VCAN: variants seen among roughly 807,000 people sequenced by gnomAD.
VCAN encodes versican, also known as versican core protein.
Under a neutral mutation model 245.5 loss-of-function variants are expected in VCAN, and 44 were observed. That is an observed-to-expected ratio of 0.18 (90% CI 0.14 to 0.23). The LOEUF (loss-of-function observed/expected upper bound fraction) is 0.23, where lower values mean the gene tolerates loss of function less well. VCAN is among the 10% of genes least tolerant of loss of function. The pLI, the probability that VCAN is intolerant of heterozygous loss-of-function variation, is 1.00. For missense variants in VCAN, 3,793 were observed against 4,057.9 expected, an observed-to-expected ratio of 0.93 and a Z score of 1.77; for synonymous variants, 1,413 against 1,437.0, an observed-to-expected ratio of 0.98 and a Z score of 0.38.
intron 12 of VCAN, among the ~76,000 whole-genome samples, chr5:83,571,969 C>T (rs560344905): frequency 2.0e-5 from 3 of 152,020 alleles, no homozygotes; most frequent in Non-Finnish European, 4.4e-5. Context: ...ACAGATAAGA[C>T]AAGACAGGCT....
At chr5:83,576,865 T>C (rs1303314576) in intron 13 of VCAN, among the ~76,000 whole-genome samples, 1 of 152,162 alleles carries the variant, frequency 6.6e-6, no homozygotes, top group Non-Finnish European at 1.5e-5. Context: ...AAGCTCTGCT[T>C]TTGTAAAGTT....
At chr5:83,472,152 A>G (rs919704695) in intron 1 of VCAN, 129 bp downstream of exon 1, 4 of 168,180 alleles carry the variant, frequency 2.4e-5, no homozygotes, top group African/African-American at 9.5e-5. Context: ...TGTAAGGCGA[A>G]GTTAAGAAAA....
intron 10 of VCAN, 46 bp downstream of exon 10, chr5:83,548,130 T>C: frequency 6.6e-7 from 1 of 1,522,694 alleles, no homozygotes; most frequent in Non-Finnish European, 9.1e-7. Flanking sequence ...ATTGATTTTT[T>C]TTTAGCAATT....
chr5:83,530,991 C>T (rs1561250681), intron 7 of VCAN, among the ~76,000 whole-genome samples: 1 of 151,990 alleles, frequency 6.6e-6, no homozygotes, highest in Non-Finnish European at 1.5e-5. Context: ...CATCCATTGA[C>T]AAGAAGATGG....
chr5:83,568,178 T>A (rs1748156767), intron 12 of VCAN, among the ~76,000 whole-genome samples: 1 of 152,152 alleles, frequency 6.6e-6, no homozygotes, highest in Non-Finnish European at 1.5e-5. Context: ...TAAATAAGGC[T>A]GTAAAGAATT....
At chr5:83,542,408 A>T in intron 8 of VCAN, 140 bp downstream of exon 8, 8 of 922,520 alleles carry the variant, frequency 8.7e-6, no homozygotes, top group Non-Finnish European at 1.2e-5. Context: ...AGGCCAGGCC[A>T]CAGTATTGAG....
rs1747014755 is a variant in VCAN at position 83,541,936 on chromosome 5, C to T, written c.8933C>T (p.Thr2978Ile). The T allele has an allele frequency of 1.2e-6, 2 of 1,614,000 alleles. No homozygotes were observed. The highest frequency in any genetic ancestry group is 2.2e-5 in the East Asian group (1 of 44,858). ...GGTGCTACACAGTGGCCACACTCTA[C>T]TTCTGCTTCTGCCACCTATGGGGTC... ...LEGATQWPHS[T>I]SASATYGVEA... Residue 2978 changes from threonine (T) to isoleucine (I), a missense_variant, in exon 8 of 15, where the codon ACT (threonine) becomes ATT (isoleucine). Physicochemically the swap from Thr to Ile is moderately conservative, Grantham distance 89. Transcript: ENST00000265077.
rs1746020406 is a variant in VCAN at position 83,520,072 on chromosome 5, C to A, written c.1766C>A (p.Thr589Asn). ...ACGGTGTCAAAGACTTCAGAAGACACCATCCACACTCATTTAGAAGACTTG... is the reference window on the plus strand; with the variant it reads ...ACGGTGTCAAAGACTTCAGAAGACAACATCCACACTCATTTAGAAGACTTG... Reference protein sequence around the residue: ...VITVSKTSEDTIHTHLEDLES... With the variant: ...VITVSKTSEDNIHTHLEDLES... The change falls in exon 7 of 15, where the codon ACC (threonine) becomes AAC (asparagine). Residue 589 changes from threonine to asparagine, a missense_variant. Around this residue, in one of 5 missense-constraint regions of VCAN, gnomAD observed 3,182 missense variants for 3,250.3 expected, o/e 0.98. Transcript: ENST00000265077. 2 of 1,614,062 alleles carry A rather than the reference C, an allele frequency of 1.2e-6. No individual in the cohort carries two copies. Among genetic ancestry groups the A allele is most frequent in the Non-Finnish European group, 1.7e-6 (2 of 1,179,966 alleles).
At chr5:83,507,924 T>G (rs1430349804) in intron 5 of VCAN, among the ~76,000 whole-genome samples, 2 of 152,202 alleles carry the variant, frequency 1.3e-5, no homozygotes, top group African/African-American at 4.8e-5. Context: ...AAACTGCATG[T>G]TTTTAATGAG....
chr5:83,561,747 A>T (rs1747874486), intron 12 of VCAN, among the ~76,000 whole-genome samples: 1 of 152,182 alleles, frequency 6.6e-6, no homozygotes, highest in South Asian at 2.1e-4. Flanking sequence ...AGACACTTAA[A>T]AGGGGCAGAA....
chr5:83,517,421 T>A (rs1042668075), intron 6 of VCAN, among the ~76,000 whole-genome samples: 12 of 152,192 alleles, frequency 7.9e-5, no homozygotes, highest in Non-Finnish European at 8.8e-5. Flanking sequence ...ATAATATGAT[T>A]AAATTTTCTC....
At chr5:83,553,809 C>T (rs1747562278) in intron 11 of VCAN, among the ~76,000 whole-genome samples, 1 of 152,140 alleles carries the variant, frequency 6.6e-6, no homozygotes, top group Non-Finnish European at 1.5e-5. Context: ...TTTAAATATA[C>T]AAAAACAGCT....
At chr5:83,477,630 A>G (rs1744440153) in intron 1 of VCAN, among the ~76,000 whole-genome samples, 1 of 152,238 alleles carries the variant, frequency 6.6e-6, no homozygotes, top group African/African-American at 2.4e-5. Context: ...ATTCTAGGAA[A>G]TACTGATAGG....
chr5:83,490,109 A>G lies in VCAN; in HGVS notation c.82A>G (p.Lys28Glu). 1 of 1,614,040 alleles carries G rather than the reference A, an allele frequency of 6.2e-7. No homozygotes were observed. The highest frequency in any genetic ancestry group is 8.5e-7 in the Non-Finnish European group (1 of 1,180,018). Reference protein sequence around the residue: ...THALHKVKVGKSPPVRGSLSG... With the variant: ...THALHKVKVGESPPVRGSLSG... Reference sequence around the variant, plus strand: ...TCTCTTTCCTCTAGTCAAAGTGGGAAAAAGCCCACCGGTGAGGGGCTCCCT... The same window carrying G: ...TCTCTTTCCTCTAGTCAAAGTGGGAGAAAGCCCACCGGTGAGGGGCTCCCT... Residue 28 changes from lysine (K) to glutamate (E), a missense_variant, in exon 3 of 15, where the codon AAA (lysine) becomes GAA (glutamate). Around this residue, in one of 5 missense-constraint regions of VCAN, gnomAD observed 179 missense variants for 169.7 expected, o/e 1.05. Coordinates refer to ENST00000265077, the MANE Select transcript of VCAN (RefSeq NM_004385.5).
rs1431573222 is a variant in VCAN at position 83,553,389 on chromosome 5, G to C, written c.9519G>C (p.Trp3173Cys). 6.2e-7 allele frequency: 1 copy of C among 1,613,854 alleles called. No individual in the cohort carries two copies. The highest frequency in any genetic ancestry group is 8.5e-7 in the Non-Finnish European group (1 of 1,179,962). Residue 3173 changes from tryptophan (W) to cysteine (C), a missense_variant, in exon 11 of 15, where the codon TGG becomes TGC. Physicochemically the swap from Trp to Cys is radical, Grantham distance 215. Coordinates refer to ENST00000265077, the MANE Select transcript of VCAN (RefSeq NM_004385.5). ...ATACCGAGACATGTGACTATGGCTG[G>C]CACAAATTCCAAGGGCAGTGCTACA... Reference protein sequence around the residue: ...EQDTETCDYGWHKFQGQCYKY... With the variant: ...EQDTETCDYGCHKFQGQCYKY...
intron 1 of VCAN, among the ~76,000 whole-genome samples, chr5:83,479,004 A>C (rs2112335461): frequency 6.6e-6 from 1 of 152,322 alleles, no homozygotes; most frequent in Admixed American, 6.5e-5. Flanking sequence ...AAGGGGCGAC[A>C]ATGTGAAAAA....
At chr5:83,501,431 T>C (rs1015735604) in intron 5 of VCAN, among the ~76,000 whole-genome samples, 30 of 152,196 alleles carry the variant, frequency 2.0e-4, no homozygotes, top group African/African-American at 7.0e-4. Flanking sequence ...TTTATAAGTT[T>C]TAACTCTTTT....
chr5:83,489,649 A>G (rs1222804680), intron 2 of VCAN, among the ~76,000 whole-genome samples: 1 of 152,184 alleles, frequency 6.6e-6, no homozygotes, highest in Admixed American at 6.5e-5. Flanking sequence ...CCTCTAAGGT[A>G]ATGTGGCAGT....
intron 3 of VCAN, among the ~76,000 whole-genome samples, chr5:83,490,765 G>T (rs1744958810): frequency 6.6e-6 from 1 of 152,142 alleles, no homozygotes; most frequent in Non-Finnish European, 1.5e-5. Context: ...CTTCAGTGTT[G>T]AGTCTTATCA....
Sources: allele counts gnomAD v4.1 joint callset (sites outside exome capture counted in the v4.1 genomes callset), GRCh38; gene constraint gnomAD v4.1.1; regional missense constraint gnomAD v4.1.1; transcripts MANE v1.5; gene names NCBI Gene and HGNC (gene_info 2026-07-23, HGNC 2026-07-21).